Variants in PDE12 observed in about 807,000 individuals in gnomAD.
PDE12 encodes the protein phosphodiesterase 12, also known as 2',5'-phosphodiesterase 12.
A neutral mutation model predicts 45.4 loss-of-function variants in PDE12; 26 were observed. The ratio of observed to expected loss-of-function variants is 0.57; its 90% CI spans 0.42 to 0.79. PDE12 has a LOEUF of 0.79. PDE12 is among the 30% of genes least tolerant of loss of function. The probability of loss-of-function intolerance (pLI) is 0.00; values close to 1 mark genes in which losing one functional copy is unlikely to be tolerated. For missense variants in PDE12, 668 were observed against 790.0 expected (o/e 0.85, Z 1.85); for synonymous variants, 283 against 323.9 (o/e 0.87, Z 1.36).
In PDE12 at chr3:57,562,265, TAACA is replaced by T. The variant is rs2069735803; in HGVS notation, c.*2262_*2265del. 3 of 221,804 alleles carry T rather than the reference TAACA, an allele frequency of 1.4e-5. No individual in the cohort carries two copies. The Admixed American group carries it at 2.0e-4, about 14-fold the overall frequency. The allele number at this position is 221,804 out of a possible 1,614,324, so 13.7% of individuals were successfully genotyped here. A position where few individuals can be genotyped will look rare whatever the true frequency, so the allele number is the denominator to read the frequency against. ...ACTCTAGTCAGAAAAACTCAGCACT[TAACA>T]GACATTCCATGTCCTATATCCTTAA... On this transcript the variant is annotated 3_prime_UTR_variant, in exon 3 of 3. Transcript: ENST00000311180.
chr3:57,573,400 A>C, the PDE12 span, among the ~76,000 whole-genome samples: 1 of 152,172 alleles, frequency 6.6e-6, no homozygotes, highest in Non-Finnish European at 1.5e-5. Context: ...GGCATAGTTT[A>C]CTTTTATTAA....
chr3:57,611,831 T>C, the PDE12 span, among the ~76,000 whole-genome samples: 6 of 152,326 alleles, frequency 3.9e-5, no homozygotes, highest in South Asian at 1.2e-3. Flanking sequence ...GTGTGGCGCT[T>C]TGTCAAGGAT....
chr3:57,563,529 A>G lies in PDE12; in HGVS notation c.*3525A>G, dbSNP rs954267308. On this transcript the variant is annotated 3_prime_UTR_variant, in exon 3 of 3. Transcript: ENST00000311180. The stretch of plus-strand genomic sequence containing the variant: ...CCTGAAAATGAATTTTTTAAACACA[A>G]ATAAAAAATATTTCAGTGTTTTGAG... 2.6e-5 allele frequency: 4 copies of G among 152,114 alleles called. No individual in the cohort carries two copies. The highest frequency in any genetic ancestry group is 5.9e-5 in the Non-Finnish European group (4 of 68,042). 9.4% of individuals were successfully genotyped at this position (152,114 alleles called of 1,614,324 possible). A position where few individuals can be genotyped will look rare whatever the true frequency, so the allele number is the denominator to read the frequency against.
In PDE12 at chr3:57,562,210, C is replaced by A; in HGVS notation, c.*2206C>A. The A allele has an allele frequency of 1.6e-6, 1 of 617,834 alleles. No individual in the cohort carries two copies. The highest frequency in any genetic ancestry group is 2.0e-6 in the Non-Finnish European group (1 of 494,336). The allele number at this position is 617,834 out of a possible 1,614,324, so 38.3% of individuals were successfully genotyped here. On this transcript the variant is annotated 3_prime_UTR_variant, in exon 3 of 3. Transcript: ENST00000311180. ...CGAACATGCCCATGAAAAAAGCATA[C>A]AGCTTCCACATTAACACTGGCTAGA... is the stretch of plus-strand genomic sequence containing the variant.
the PDE12 span, chr3:57,584,240 G>A: frequency 3.5e-6 from 3 of 866,596 alleles, no homozygotes; most frequent in Non-Finnish European, 5.4e-6. Flanking sequence ...TGGGATTACA[G>A]GCATGAGCCA....
the PDE12 span, among the ~76,000 whole-genome samples, chr3:57,585,471 T>C: frequency 1.8e-4 from 28 of 152,286 alleles, no homozygotes; most frequent in African/African-American, 6.7e-4. Flanking sequence ...AACCAAAGTC[T>C]GATTAACCTG....
the PDE12 span, chr3:57,655,007 T>C: frequency 4.2e-5 from 9 of 214,636 alleles, no homozygotes; most frequent in Non-Finnish European, 6.4e-5. Flanking sequence ...TTTTCAAAAT[T>C]TGGTTTTCTC....
the PDE12 span, among the ~76,000 whole-genome samples, chr3:57,642,041 G>A: frequency 0.14 from 21,904 of 152,068 alleles, 1,633 homozygotes; most frequent in South Asian, 0.21. Flanking sequence ...TTAGCCGAGC[G>A]CGGTGATTCA....
At chr3:57,576,793 T>C in the PDE12 span, among the ~76,000 whole-genome samples, 1 of 152,186 alleles carries the variant, frequency 6.6e-6, no homozygotes, top group East Asian at 1.9e-4. Flanking sequence ...AAAATGCCAC[T>C]GTGAACCAAA....
At chr3:57,622,314 C>T in the PDE12 span, among the ~76,000 whole-genome samples, 1 of 152,086 alleles carries the variant, frequency 6.6e-6, no homozygotes, top group Middle Eastern at 3.2e-3. Context: ...CTAATAAGCA[C>T]ATGAAAAGAT....
At chr3:57,570,219 G>GTTTTTTTT (rs34599005), downstream of PDE12, among the ~76,000 whole-genome samples, 36 of 102,324 alleles carry the variant, frequency 3.5e-4, 1 homozygote, top group South Asian at 7.2e-4. Flanking sequence ...TTAATCCAGT[G>GTTTTTTTT]TTTTTTTTTT....
At chr3:57,557,903 G>T (rs2153407387) in intron 1 of PDE12, among the ~76,000 whole-genome samples, 1 of 152,302 alleles carries the variant, frequency 6.6e-6, no homozygotes, top group Non-Finnish European at 1.5e-5. Context: ...AGGTTGCCTT[G>T]AACAAGACTA....
chr3:57,628,723 G>A, the PDE12 span: 25 of 1,358,860 alleles, frequency 1.8e-5, no homozygotes, highest in Non-Finnish European at 2.3e-5. Context: ...AGTTACTTCT[G>A]CGAACTATCA....
the PDE12 span, among the ~76,000 whole-genome samples, chr3:57,613,054 C>T: frequency 1.3e-5 from 2 of 151,974 alleles, no homozygotes; most frequent in Admixed American, 1.3e-4. Flanking sequence ...GATCTCGGCT[C>T]ACTGCAGCCT....
chr3:57,601,873 T>C, the PDE12 span, among the ~76,000 whole-genome samples: 1 of 151,252 alleles, frequency 6.6e-6, no homozygotes, highest in Admixed American at 6.6e-5. Context: ...GCTGCCCAAG[T>C]AGCTGGGACT....
the PDE12 span, among the ~76,000 whole-genome samples, chr3:57,607,867 A>G: frequency 1.6e-4 from 24 of 152,298 alleles, no homozygotes; most frequent in Non-Finnish European, 3.1e-4. Flanking sequence ...CCAACATTCA[A>G]ATTCAGGAAA....
chr3:57,620,409 G>A, the PDE12 span, among the ~76,000 whole-genome samples: 1 of 151,110 alleles, frequency 6.6e-6, no homozygotes, highest in Non-Finnish European at 1.5e-5. Context: ...TTTTAAAAAA[G>A]AAAATTTTTT....
chr3:57,642,442 G>C, the PDE12 span, among the ~76,000 whole-genome samples: 4,626 of 151,866 alleles, frequency 0.03, 100 homozygotes, highest in Middle Eastern at 0.051. Flanking sequence ...GGCGTTTTTT[G>C]CCAAGTGGAT....
the PDE12 span, chr3:57,596,940 ATTCC>A: frequency 1.1e-6 from 1 of 910,368 alleles, no homozygotes; most frequent in Non-Finnish European, 1.7e-6. Context: ...CCCCTTAAGA[ATTCC>A]TTCCGACCCC....
Sources: gnomAD v4.1 joint callset for allele counts (sites outside exome capture counted in the v4.1 genomes callset) on GRCh38, gnomAD v4.1.1 for gene constraint, MANE v1.5 for transcripts, NCBI Gene and HGNC (gene_info 2026-07-23, HGNC 2026-07-21) for gene names.